The following GLIS1 variants were observed in gnomAD, a reference collection of about 807,000 sequenced individuals.
GLIS1 encodes the protein GLIS family zinc finger 1.
In GLIS1, 24 loss-of-function variants were observed where a neutral mutation model predicts 63.8. The observed-to-expected ratio is 0.38, with a 90% CI of 0.27 to 0.53. The LOEUF (loss-of-function observed/expected upper bound fraction) is 0.53. Ranked by LOEUF, GLIS1 falls within the 20% of genes least tolerant of loss-of-function variation. The pLI is 0.85. For synonymous variants in GLIS1, 450 were observed against 482.5 expected (o/e 0.93, Z 0.88); for missense variants, 1,036 against 1,074.1 (o/e 0.96, Z 0.50).
At chr1:53,586,502 T>C (rs1224006851) in intron 4 of GLIS1, among the ~76,000 whole-genome samples, 1 of 152,234 alleles carries the variant, frequency 6.6e-6, no homozygotes, top group Non-Finnish European at 1.5e-5. Flanking sequence ...CCCTTTTCTC[T>C]TTCGCAAATG....
chr1:53,695,314 G>A (rs1052053317), intron 2 of GLIS1, among the ~76,000 whole-genome samples: 2 of 152,254 alleles, frequency 1.3e-5, no homozygotes, highest in African/African-American at 4.8e-5. Context: ...GCAAGTCTAA[G>A]GGGAGGATGT....
At chr1:53,709,702 C>T (rs1352898734) in intron 2 of GLIS1, among the ~76,000 whole-genome samples, 2 of 152,128 alleles carry the variant, frequency 1.3e-5, no homozygotes, top group African/African-American at 2.4e-5. Flanking sequence ...GAAAGCCACA[C>T]CCACTTCCAT....
At chr1:53,595,523 C>T (rs565863996) in intron 3 of GLIS1, among the ~76,000 whole-genome samples, 2 of 152,120 alleles carry the variant, frequency 1.3e-5, no homozygotes, top group South Asian at 2.1e-4. Context: ...GGAAGGAGGA[C>T]CTTGCATCGT....
intron 4 of GLIS1, among the ~76,000 whole-genome samples, chr1:53,530,885 G>A (rs572135705): frequency 4.6e-5 from 7 of 152,364 alleles, no homozygotes; most frequent in Non-Finnish European, 8.8e-5. Flanking sequence ...CAGCCAGGCT[G>A]ATGTTCTGGC....
rs1646219296 is a variant in GLIS1, at chr1:53,676,950, C to T, written c.259+60856G>A. 2.6e-5 allele frequency among the ~76,000 whole-genome samples: 4 copies of T among 152,194 alleles called. No individual in the cohort carries two copies. In the South Asian group the frequency reaches 6.2e-4, roughly 24 times the overall value. On this transcript the variant is annotated intron_variant, in intron 2 of 10. Transcript: ENST00000628545. ...AATCCCACTTACCGGTCCTGCGGGC[C>T]CTCTGGCCTTGCTAAGGCTGATCTA...
At chr1:53,663,801 C>T (rs980955005) in intron 2 of GLIS1, among the ~76,000 whole-genome samples, 6 of 152,224 alleles carry the variant, frequency 3.9e-5, no homozygotes, top group Non-Finnish European at 8.8e-5. Context: ...GCCACGGCTC[C>T]CTCCAGGCCA....
intron 4 of GLIS1, among the ~76,000 whole-genome samples, chr1:53,534,719 T>C (rs1415043986): frequency 6.9e-6 from 1 of 144,274 alleles, no homozygotes; most frequent in Non-Finnish European, 1.5e-5. Context: ...CACGCACTTC[T>C]GCGAGTCACT....
chr1:53,695,598 C>A (rs1037405007), intron 2 of GLIS1, among the ~76,000 whole-genome samples: 1 of 152,164 alleles, frequency 6.6e-6, no homozygotes, highest in Non-Finnish European at 1.5e-5. Flanking sequence ...CGACCCTGGG[C>A]CTCTTCCCTC....
At chr1:53,734,574 A>C (rs1456209652) in intron 2 of GLIS1, among the ~76,000 whole-genome samples, 2 of 152,184 alleles carry the variant, frequency 1.3e-5, no homozygotes, top group Admixed American at 1.3e-4. Context: ...GCATCTATAA[A>C]ATGGGAATCA....
At chr1:53,579,717 C>T (rs1177199051) in intron 4 of GLIS1, among the ~76,000 whole-genome samples, 5 of 152,218 alleles carry the variant, frequency 3.3e-5, no homozygotes, top group Admixed American at 6.5e-5. Flanking sequence ...TGGGGGCAGC[C>T]GTGGGGGCAG....
In GLIS1 at chr1:53,560,925, C is replaced by A. The variant is rs1644885821; in HGVS notation, c.1321-30973G>T. ...CCCTGCCCACAGCCAGGCAGCCAGG[C>A]AGAGCTCCAGAGAGGAGGCCGGGCC... On this transcript the variant is annotated intron_variant, in intron 4 of 10. Transcript: ENST00000628545. This position sits in a 1 kb window ranked among gnomAD's most constrained non-coding sequence, Gnocchi z 4.4. 6.6e-6 allele frequency among the ~76,000 whole-genome samples: 1 copy of A among 152,188 alleles called. No homozygotes were observed. Among genetic ancestry groups the A allele is most frequent in the African/African-American group, 2.4e-5 (1 of 41,450 alleles).
At chr1:53,521,516 C>A (rs1644408610) in intron 6 of GLIS1, among the ~76,000 whole-genome samples, 1 of 152,160 alleles carries the variant, frequency 6.6e-6, no homozygotes, top group South Asian at 2.1e-4. Context: ...CTGTAATAAG[C>A]AGCAACAGTC....
chr1:53,659,389 T>C (rs576576947), intron 2 of GLIS1, among the ~76,000 whole-genome samples: 1 of 152,278 alleles, frequency 6.6e-6, no homozygotes, highest in East Asian at 1.9e-4. Context: ...TCACTAGTTG[T>C]CCATTCAGCA....
At chr1:53,684,552 T>G (rs949606079) in intron 2 of GLIS1, among the ~76,000 whole-genome samples, 2 of 152,104 alleles carry the variant, frequency 1.3e-5, no homozygotes, top group African/African-American at 4.8e-5. Context: ...CAGAGAATCT[T>G]GCTCTCGCCA....
intron 7 of GLIS1, among the ~76,000 whole-genome samples, chr1:53,515,970 A>G (rs1409775110): frequency 1.3e-5 from 2 of 151,886 alleles, no homozygotes; most frequent in African/African-American, 4.8e-5. Context: ...CCCTTTTTCA[A>G]TCTGGCCATG....
At chr1:53,515,571 C>T (rs1267885642) in intron 7 of GLIS1, among the ~76,000 whole-genome samples, 1 of 151,984 alleles carries the variant, frequency 6.6e-6, no homozygotes, top group Non-Finnish European at 1.5e-5. Context: ...CTTTTATCAC[C>T]TTTTACCCCC....
intron 2 of GLIS1, among the ~76,000 whole-genome samples, chr1:53,721,759 C>T (rs533734262): frequency 1.4e-4 from 21 of 152,022 alleles, no homozygotes; most frequent in Admixed American, 3.9e-4. Flanking sequence ...TAATAACAAA[C>T]GATGGGACGT....
rs1465231046 is a variant in GLIS1 at position 53,539,316 on chromosome 1, C to T, written c.1321-9364G>A. On this transcript the variant is annotated intron_variant, in intron 4 of 10. Coordinates refer to ENST00000628545, the MANE Select transcript of GLIS1 (RefSeq NM_001367484.1). The surrounding 1 kb of genome is among the most constrained non-coding windows in gnomAD (Gnocchi z 5.0). The stretch of plus-strand genomic sequence containing the variant: ...CACACACACTACACCTAAACACACA[C>T]ACCCCAATTCACCCACACATACCAT... 6.6e-6 allele frequency among the ~76,000 whole-genome samples: 1 copy of T among 150,404 alleles called. No homozygotes were observed. Among genetic ancestry groups the T allele is most frequent in the Non-Finnish European group, 1.5e-5 (1 of 67,680 alleles).
intron 2 of GLIS1, among the ~76,000 whole-genome samples, chr1:53,703,315 A>T (rs1368252784): frequency 6.6e-6 from 1 of 152,178 alleles, no homozygotes; most frequent in Non-Finnish European, 1.5e-5. Flanking sequence ...GGCACCTGGT[A>T]CAGGCCCTGG....
Sources: gnomAD v4.1 joint callset for allele counts (sites outside exome capture counted in the v4.1 genomes callset) on GRCh38, gnomAD v4.1.1 for gene constraint, Gnocchi (gnomAD v3.1) non-coding constraint, MANE v1.5 for transcripts, NCBI Gene and HGNC (gene_info 2026-07-23, HGNC 2026-07-21) for gene names.